ZFPM1: variants seen among roughly 807,000 people sequenced by gnomAD.
ZFPM1 encodes zinc finger protein, FOG family member 1, also known as zinc finger protein ZFPM1.
Under a neutral mutation model 46.3 loss-of-function variants are expected in ZFPM1, and 28 were observed. The ratio of observed to expected loss-of-function variants is 0.60; its 90% confidence interval spans 0.45 to 0.83. The LOEUF (loss-of-function observed/expected upper bound fraction) is 0.83. Ranked by LOEUF, ZFPM1 falls within the 40% of genes least tolerant of loss-of-function variation. The pLI, the probability that ZFPM1 is intolerant of heterozygous loss-of-function variation, is 0.00. For synonymous variants in ZFPM1, 957 were observed against 675.9 expected (o/e 1.42, Z -6.45); for missense variants, 1,878 against 1,432.4 (o/e 1.31, Z -5.02).
intron 1 of ZFPM1, among the ~76,000 whole-genome samples, chr16:88,484,003 G>A (rs980050109): frequency 9.9e-5 from 15 of 152,222 alleles, no homozygotes; most frequent in African/African-American, 3.4e-4. Context: ...GGACGCTGGC[G>A]GGTGGCACGT....
At chr16:88,487,034 C>T (rs1449349711) in intron 2 of ZFPM1, among the ~76,000 whole-genome samples, 2 of 152,220 alleles carry the variant, frequency 1.3e-5, no homozygotes, top group Middle Eastern at 3.2e-3. Context: ...TCCCTGGGCC[C>T]TCCTGGTGGC....
chr16:88,505,919 AC>A (rs1329853737), intron 3 of ZFPM1, among the ~76,000 whole-genome samples: 1 of 151,318 alleles, frequency 6.6e-6, no homozygotes, highest in South Asian at 2.1e-4. Context: ...AAGGACAGGC[AC>A]CCCCCGCACC....
At chr16:88,521,083 T>A (rs1028831696) in intron 4 of ZFPM1, among the ~76,000 whole-genome samples, 1 of 109,844 alleles carries the variant, frequency 9.1e-6, no homozygotes, top group African/African-American at 2.7e-5. Flanking sequence ...GGATGGATGA[T>A]TAGGTGGGTG....
chr16:88,526,859 A>T lies in ZFPM1; in HGVS notation c.448A>T (p.Arg150Trp). 7.0e-7 allele frequency: 1 copy of T among 1,436,164 alleles called. No individual in the cohort carries two copies. The highest frequency in any genetic ancestry group is 9.3e-7 in the Non-Finnish European group (1 of 1,073,770). 89.0% of individuals were successfully genotyped at this position (1,436,164 alleles called of 1,614,324 possible). A position where few individuals can be genotyped will look rare whatever the true frequency, so the allele number is the denominator to read the frequency against. The change falls in exon 5 of 10, where the codon AGG becomes TGG. Residue 150 changes from arginine (R) to tryptophan (W), a missense_variant. Coordinates refer to ENST00000319555, the MANE Select transcript of ZFPM1 (RefSeq NM_153813.3). ...GCTGGTGGACGAGGCCTGCTGGCTGAGGACGCTGCCCCAGGCCCTGACTGA... is the reference window on the plus strand; with the variant it reads ...GCTGGTGGACGAGGCCTGCTGGCTGTGGACGCTGCCCCAGGCCCTGACTGA... The part of the protein sequence containing the change: ...LLLVDEACWL[R>W]TLPQALTEAE...
intron 6 of ZFPM1, among the ~76,000 whole-genome samples, chr16:88,529,250 G>A (rs1000914834): frequency 6.6e-6 from 1 of 152,244 alleles, no homozygotes; most frequent in African/African-American, 2.4e-5. Context: ...GCCAGCGGCT[G>A]GGGCTTCCCA....
At position 88,534,839 on chromosome 16, in the gene ZFPM1, A is replaced by G; in HGVS notation, c.2881A>G (p.Ser961Gly). The change falls in exon 10 of 10, where the codon AGC becomes GGC. Residue 961 changes from serine (S) to glycine (G), a missense_variant. Physicochemically the swap from Ser to Gly is moderately conservative, Grantham distance 56. Transcript: ENST00000319555. ...SYSDKGVQTP[S>G]KGTPAPLPNG... ...CTCGGACAAGGGCGTCCAGACTCCCAGCAAGGGCACGCCGGCGCCGCTGCC... is the reference window on the plus strand; with the variant it reads ...CTCGGACAAGGGCGTCCAGACTCCCGGCAAGGGCACGCCGGCGCCGCTGCC... The G allele has an allele frequency of 3.9e-6, 6 of 1,554,984 alleles. No individual in the cohort carries two copies. Among genetic ancestry groups the G allele is most frequent in the Non-Finnish European group, 5.2e-6 (6 of 1,158,256 alleles).
At chr16:88,522,406 T>C (rs758760370) in intron 4 of ZFPM1, among the ~76,000 whole-genome samples, 2 of 152,170 alleles carry the variant, frequency 1.3e-5, no homozygotes, top group Non-Finnish European at 2.9e-5. Flanking sequence ...CCCGTGAACC[T>C]GCTGCTGGCC....
chr16:88,490,965 G>A (rs189890301), intron 3 of ZFPM1, among the ~76,000 whole-genome samples: 102 of 152,050 alleles, frequency 6.7e-4, no homozygotes, highest in Admixed American at 1.6e-3. Flanking sequence ...CACCAGGTGG[G>A]GAGCAGGCCC....
At chr16:88,509,422 T>C (rs1346651475) in intron 3 of ZFPM1, among the ~76,000 whole-genome samples, 1 of 152,206 alleles carries the variant, frequency 6.6e-6, no homozygotes, top group East Asian at 1.9e-4. Flanking sequence ...GTGGCTGGAC[T>C]TTGCACTCCC....
chr16:88,481,603 A>G (rs979593798), intron 1 of ZFPM1, among the ~76,000 whole-genome samples: 1 of 150,288 alleles, frequency 6.7e-6, no homozygotes, highest in Non-Finnish European at 1.5e-5. Context: ...TGCTTACGCT[A>G]CTCCACTCCA....
In ZFPM1 at chr16:88,534,243, A is replaced by G. The variant is rs1277033154; in HGVS notation, c.2285A>G (p.His762Arg). 2.5e-6 allele frequency: 2 copies of G among 811,002 alleles called. No individual in the cohort carries two copies. The highest frequency in any genetic ancestry group is 6.1e-4 in the Middle Eastern group (1 of 1,638). The allele number at this position is 811,002 out of a possible 1,614,324, so 50.2% of individuals were successfully genotyped here. ...AGAPPPPPPG[H>R]APAPESPRPG... ...GCCCCGCCCCCCCCGCCGCCCGGCC[A>G]CGCCCCCGCGCCCGAGTCGCCGCGG... is the stretch of plus-strand genomic sequence containing the variant. Residue 762 changes from histidine (H) to arginine (R), a missense_variant, in exon 10 of 10, where the codon CAC (histidine) becomes CGC (arginine). By Grantham distance (29) the His-to-Arg change is conservative. Coordinates refer to ENST00000319555, the MANE Select transcript of ZFPM1 (RefSeq NM_153813.3).
intron 3 of ZFPM1, among the ~76,000 whole-genome samples, chr16:88,493,889 G>C (rs111424579): frequency 6.6e-6 from 1 of 152,262 alleles, no homozygotes; most frequent in East Asian, 1.9e-4. Context: ...CTTTGCTCTC[G>C]AGCGCCACGG....
Position 88,536,142 on chromosome 16 carries a change from A to C in ZFPM1, c.*1163A>C, listed in dbSNP as rs1913237326. 1 of 151,726 alleles carries C rather than the reference A, an allele frequency of 6.6e-6. No individual in the cohort carries two copies. Among genetic ancestry groups the C allele is most frequent in the Admixed American group, 6.6e-5 (1 of 15,248 alleles). 9.4% of individuals were successfully genotyped at this position (151,726 alleles called of 1,614,324 possible). A position where few individuals can be genotyped will look rare whatever the true frequency, so the allele number is the denominator to read the frequency against. The stretch of plus-strand genomic sequence containing the variant: ...AGCTAGTTTTTGTGTTTTTTGTAGA[A>C]ATGGTGTCTCCCTATGTTGCCCAGG... On this transcript the variant is annotated 3_prime_UTR_variant, in exon 10 of 10. Transcript: ENST00000319555.
chr16:88,470,151 C>T lies in ZFPM1; in HGVS notation c.41-15788C>T, dbSNP rs1331841240. 2.6e-5 allele frequency among the ~76,000 whole-genome samples: 4 copies of T among 152,210 alleles called. No homozygotes were observed. In the East Asian group the frequency reaches 7.7e-4, roughly 29 times the overall value. On this transcript the variant is annotated intron_variant, in intron 1 of 9. Transcript: ENST00000319555. The stretch of plus-strand genomic sequence containing the variant: ...CCAGCATTGTCCTGGGCAAAGGCCC[C>T]TCCCGTGTAGGAGCATCGCCTGTGG...
intron 2 of ZFPM1, among the ~76,000 whole-genome samples, chr16:88,486,918 G>A (rs1383084719): frequency 6.6e-6 from 1 of 152,162 alleles, no homozygotes; most frequent in Non-Finnish European, 1.5e-5. Context: ...GACCAGAGAA[G>A]TTTGGTGACT....
intron 9 of ZFPM1, 97 bp from the exon 10 acceptor site, chr16:88,533,051 T>TTGCCC: frequency 1.2e-5 from 16 of 1,351,584 alleles, no homozygotes; most frequent in Non-Finnish European, 1.5e-5. Context: ...TCTAAACCAC[T>TTGCCC]CCCGCCCACC....
rs1029686121 is a variant in ZFPM1, at chr16:88,534,341, A to C, written c.2383A>C (p.Ile795Leu). The C allele has an allele frequency of 7.2e-7, 1 of 1,385,138 alleles. No individual in the cohort carries two copies. The highest frequency in any genetic ancestry group is 1.6e-5 in the African/African-American group (1 of 64,146). 85.8% of individuals were successfully genotyped at this position (1,385,138 alleles called of 1,614,324 possible). A position where few individuals can be genotyped will look rare whatever the true frequency, so the allele number is the denominator to read the frequency against. Residue 795 changes from isoleucine (I) to leucine (L), a missense_variant, in exon 10 of 10, where the codon ATC (isoleucine) becomes CTC (leucine). By Grantham distance (5) the Ile-to-Leu change is conservative. Coordinates refer to ENST00000319555, the MANE Select transcript of ZFPM1 (RefSeq NM_153813.3). ...GCCCGGCCCCGCGGCCGACGGCCCC[A>C]TCGACCTGAGCAAGAAGCCGCGGCG... ...RSPGPAADGP[I>L]DLSKKPRRPL... is the part of the protein sequence containing the mutation.
chr16:88,512,717 G>A (rs945504573), intron 3 of ZFPM1, among the ~76,000 whole-genome samples: 1 of 152,208 alleles, frequency 6.6e-6, no homozygotes, highest in African/African-American at 2.4e-5. Context: ...CTGAGGACCC[G>A]CCGGAGGCCA....
rs577833371 is a variant in ZFPM1 at position 88,467,945 on chromosome 16, C to A, written c.40+14267C>A. On this transcript the variant is annotated intron_variant, in intron 1 of 9. Coordinates refer to ENST00000319555, the MANE Select transcript of ZFPM1 (RefSeq NM_153813.3). ...AGCGGCCCCCCTTCCCCTTATCTCACCCCACCCTAATGCCAGGAACAAAAG... is the reference window on the plus strand; with the variant it reads ...AGCGGCCCCCCTTCCCCTTATCTCAACCCACCCTAATGCCAGGAACAAAAG... 1.4e-4 allele frequency among the ~76,000 whole-genome samples: 21 copies of A among 152,188 alleles called. 2 individuals are homozygous for A. In the South Asian group the frequency reaches 4.4e-3, roughly 32 times the overall value.
Sources: gnomAD v4.1 joint callset for allele counts (sites outside exome capture counted in the v4.1 genomes callset) on GRCh38, gnomAD v4.1.1 for gene constraint, MANE v1.5 for transcripts, NCBI Gene and HGNC (gene_info 2026-07-23, HGNC 2026-07-21) for gene names.